Variants in ABR observed in about 807,000 individuals in gnomAD.
ABR encodes the protein active breakpoint cluster region-related protein.
A neutral mutation model predicts 107.2 loss-of-function variants in ABR; 35 were observed. The ratio of observed to expected loss-of-function variants is 0.33; its 90% CI spans 0.25 to 0.43. The LOEUF is 0.43. Ranked by LOEUF, ABR falls within the 20% of genes least tolerant of loss-of-function variation. The probability of loss-of-function intolerance (pLI) is 1.00; values close to 1 mark genes in which losing one functional copy is unlikely to be tolerated. For synonymous variants in ABR, 498 were observed against 462.0 expected, an observed-to-expected ratio of 1.08 and a Z score of -1.00; for missense variants, 815 against 1,115.2, an observed-to-expected ratio of 0.73 and a Z score of 3.83.
chr17:1,009,581 T>C (rs2070357414), intron 21 of ABR, 98 bp downstream of exon 21: 3 of 1,011,172 alleles, frequency 3.0e-6, no homozygotes, highest in South Asian at 2.7e-5. Flanking sequence ...CGTTACCTTT[T>C]CACGAGGAGG....
At chr17:1,204,589 T>C (rs1598122592) in intron 1 of ABR, among the ~76,000 whole-genome samples, 1 of 152,256 alleles carries the variant, frequency 6.6e-6, no homozygotes, top group East Asian at 1.9e-4. Flanking sequence ...CGCTTAGACG[T>C]GTTCAGATAC....
chr17:1,051,318 C>T lies in ABR; in HGVS notation c.1562-684G>A, dbSNP rs1051309687. ...GAGAAGCCTGGGTTTTCCTGCCTGC[C>T]GGTGTACCCGCAGTACCAAGAACAG... On this transcript the variant is annotated intron_variant, in intron 14 of 22. Transcript: ENST00000302538. This position sits in a 1 kb window ranked among gnomAD's most constrained non-coding sequence, Gnocchi z 4.3. Among the ~76,000 whole-genome samples, 6 of 151,834 alleles carry T rather than the reference C, an allele frequency of 4.0e-5. No homozygotes were observed. Among genetic ancestry groups the T allele is most frequent in the African/African-American group, 4.8e-5 (2 of 41,394 alleles).
chr17:1,032,602 CCGCGTCCG>C (rs2072894386), intron 16 of ABR, among the ~76,000 whole-genome samples: 1 of 129,544 alleles, frequency 7.7e-6, no homozygotes, highest in Non-Finnish European at 1.5e-5. Context: ...GGGCAACCAC[CCGCGTCCG>C]TGCTGGGCGC....
chr17:1,096,328 G>T (rs2037423478), intron 3 of ABR, among the ~76,000 whole-genome samples: 1 of 152,168 alleles, frequency 6.6e-6, no homozygotes, highest in Admixed American at 6.5e-5. Context: ...ACAGGCTGGG[G>T]CAGAGCGGTG....
chr17:1,028,452 T>C (rs528495518), intron 16 of ABR, among the ~76,000 whole-genome samples: 1 of 152,278 alleles, frequency 6.6e-6, no homozygotes, highest in East Asian at 1.9e-4. Flanking sequence ...CAGGCTGGTC[T>C]TGGACTCCTG....
intron 1 of ABR, among the ~76,000 whole-genome samples, chr17:1,202,828 C>T (rs1029700330): frequency 6.6e-6 from 1 of 151,686 alleles, no homozygotes; most frequent in Non-Finnish European, 1.5e-5. Flanking sequence ...GTGGTCAGCT[C>T]AGCTCTCCTC....
intron 16 of ABR, among the ~76,000 whole-genome samples, chr17:1,047,301 G>A (rs1258884437): frequency 1.0e-4 from 16 of 152,382 alleles, no homozygotes; most frequent in Admixed American, 7.2e-4. Context: ...ATGTGTGGCC[G>A]GAGTGAAGGC....
intron 4 of ABR, among the ~76,000 whole-genome samples, chr17:1,085,935 T>G (rs945683181): frequency 6.6e-6 from 1 of 152,074 alleles, no homozygotes; most frequent in South Asian, 2.1e-4. Context: ...TCACCTAAGG[T>G]TGGCAGTTCG....
chr17:1,141,198 C>G (rs1216448111), intron 1 of ABR, among the ~76,000 whole-genome samples: 1 of 152,090 alleles, frequency 6.6e-6, no homozygotes, highest in East Asian at 1.9e-4. Context: ...TCGGGAGCCC[C>G]TCAGTCAGGG....
At chr17:1,068,226 C>A (rs2034915026) in intron 9 of ABR, among the ~76,000 whole-genome samples, 1 of 152,262 alleles carries the variant, frequency 6.6e-6, no homozygotes, top group African/African-American at 2.4e-5. Flanking sequence ...AGCCACCGTG[C>A]CCGCCCAGTC....
chr17:1,034,186 G>A (rs148080491), intron 16 of ABR, among the ~76,000 whole-genome samples: 1 of 151,928 alleles, frequency 6.6e-6, no homozygotes, highest in Non-Finnish European at 1.5e-5. Context: ...GGCCAGGCTG[G>A]TCTCAAACTC....
chr17:1,227,513 G>T lies in ABR; in HGVS notation c.838+1280C>A, dbSNP rs140619755. 6.6e-5 allele frequency among the ~76,000 whole-genome samples: 10 copies of T among 152,328 alleles called. No individual in the cohort carries two copies. In the East Asian group the frequency reaches 1.9e-3, roughly 29 times the overall value. ...TCTTTGCTAAGGAATAAGTGTAATTGATCAAAACAGATGACTTGATGGACC... is the reference window on the plus strand; with the variant it reads ...TCTTTGCTAAGGAATAAGTGTAATTTATCAAAACAGATGACTTGATGGACC... On this transcript the variant is annotated intron_variant, in intron 1 of 22. Transcript: ENST00000574139.
intron 1 of ABR, among the ~76,000 whole-genome samples, chr17:1,174,660 A>G (rs1456891025): frequency 6.6e-6 from 1 of 152,222 alleles, no homozygotes; most frequent in Non-Finnish European, 1.5e-5. Flanking sequence ...GGCTCTAGTA[A>G]CAACAGATGG....
chr17:1,047,323 G>C (rs2031775388), intron 16 of ABR, among the ~76,000 whole-genome samples: 1 of 152,282 alleles, frequency 6.6e-6, no homozygotes, highest in African/African-American at 2.4e-5. Flanking sequence ...GAGACAAGCT[G>C]TGGGGACAGA....
intron 1 of ABR, among the ~76,000 whole-genome samples, chr17:1,194,734 A>G (rs1379251137): frequency 2.6e-5 from 3 of 117,224 alleles, no homozygotes; most frequent in African/African-American, 8.6e-5. Context: ...GCTCACTGCA[A>G]CCTCCACCTC....
chr17:1,106,172 G>A (rs2038231745), intron 2 of ABR, among the ~76,000 whole-genome samples: 1 of 141,050 alleles, frequency 7.1e-6, no homozygotes, highest in South Asian at 2.5e-4. Flanking sequence ...GGAGAAAACT[G>A]CAGCCAACTT....
At chr17:1,066,951 T>C (rs1204706668) in intron 10 of ABR, 126 bp downstream of exon 10, 2 of 988,556 alleles carry the variant, frequency 2.0e-6, no homozygotes, top group South Asian at 3.1e-5. Context: ...AGTCGGGGTC[T>C]TTCCCTTAGT....
chr17:1,035,774 C>T (rs770670876), intron 16 of ABR, among the ~76,000 whole-genome samples: 1 of 148,966 alleles, frequency 6.7e-6, no homozygotes, highest in Non-Finnish European at 1.5e-5. Context: ...TCCCATCCTC[C>T]CTCAGCCCCT....
intron 1 of ABR, among the ~76,000 whole-genome samples, chr17:1,155,397 T>C (rs2040999660): frequency 6.6e-6 from 1 of 152,084 alleles, no homozygotes; most frequent in Non-Finnish European, 1.5e-5. Context: ...ATTCAAAAAA[T>C]AACTCTAAAT....
Sources: gnomAD v4.1 joint callset for allele counts (sites outside exome capture counted in the v4.1 genomes callset) on GRCh38, gnomAD v4.1.1 for gene constraint, Gnocchi (gnomAD v3.1) non-coding constraint, MANE v1.5 for transcripts, NCBI Gene and HGNC (gene_info 2026-07-23, HGNC 2026-07-21) for gene names.